The following LRBA variants were observed in gnomAD, a reference collection of about 807,000 sequenced individuals.
LRBA encodes the protein LPS responsive beige-like anchor protein.
LRBA carries 176 observed loss-of-function variants against 330.0 expected under a neutral mutation model. That is an observed-to-expected ratio of 0.53 (90% confidence interval 0.47 to 0.60). The LOEUF (loss-of-function observed/expected upper bound fraction) is 0.60, where lower values mean the gene tolerates loss of function less well. Ranked by LOEUF, LRBA falls within the 20% of genes least tolerant of loss-of-function variation. LRBA has a pLI of 0.00. For missense variants in LRBA, 3,259 were observed against 3,444.8 expected, an observed-to-expected ratio of 0.95 and a Z score of 1.35; for synonymous variants, 1,230 against 1,193.0, an observed-to-expected ratio of 1.03 and a Z score of -0.64.
intron 40 of LRBA, among the ~76,000 whole-genome samples, chr4:150,526,447 TCTTA>T (rs955220282): frequency 3.7e-4 from 56 of 152,292 alleles, no homozygotes; most frequent in African/African-American, 1.3e-3. Context: ...GTAAAAACAG[TCTTA>T]CTTAATGAGA....
At chr4:150,850,682 C>A in intron 24 of LRBA, 42 bp downstream of exon 24, 1 of 1,190,680 alleles carries the variant, frequency 8.4e-7, no homozygotes, top group Non-Finnish European at 1.2e-6. Flanking sequence ...AAAATAAAGA[C>A]TAGGTTTATA....
chr4:150,844,619 G>A (rs557546549), intron 27 of LRBA, 39 bp downstream of exon 27: 18 of 1,545,656 alleles, frequency 1.2e-5, no homozygotes, highest in Middle Eastern at 1.7e-4. Context: ...TGTAAAATAG[G>A]AGTATGCTTT....
At chr4:150,510,420 A>T (rs1761694382) in intron 40 of LRBA, among the ~76,000 whole-genome samples, 1 of 152,314 alleles carries the variant, frequency 6.6e-6, no homozygotes, top group Middle Eastern at 3.4e-3. Flanking sequence ...CAGTATAAGT[A>T]AAAAGGCAGT....
chr4:150,435,464 A>C, intron 46 of LRBA, 125 bp downstream of exon 46: 2 of 807,916 alleles, frequency 2.5e-6, no homozygotes, highest in Non-Finnish European at 3.9e-6. Flanking sequence ...CCATTTAATT[A>C]AGGACTTATC....
At chr4:150,766,899 C>G (rs1735834759) in intron 34 of LRBA, among the ~76,000 whole-genome samples, 1 of 152,136 alleles carries the variant, frequency 6.6e-6, no homozygotes, top group Non-Finnish European at 1.5e-5. Flanking sequence ...TGTTCCTAAG[C>G]TGTATTTAAT....
At chr4:150,968,937 G>GT (rs2149582059) in intron 2 of LRBA, among the ~76,000 whole-genome samples, 1 of 152,240 alleles carries the variant, frequency 6.6e-6, no homozygotes, top group Non-Finnish European at 1.5e-5. Flanking sequence ...TCTGAAAATC[G>GT]TAAGATCCTT....
chr4:150,870,701 TACA>T (rs1317838125), intron 19 of LRBA, 95 bp from the exon 20 acceptor site: 3 of 663,864 alleles, frequency 4.5e-6, no homozygotes, highest in East Asian at 2.6e-5. Flanking sequence ...TAACTTTAAG[TACA>T]ACACTAATCA....
At chr4:150,875,309 T>G (rs1419580303) in intron 17 of LRBA, among the ~76,000 whole-genome samples, 1 of 152,248 alleles carries the variant, frequency 6.6e-6, no homozygotes, top group Non-Finnish European at 1.5e-5. Context: ...TCCAGGAATC[T>G]GGAAAACCCA....
intron 42 of LRBA, among the ~76,000 whole-genome samples, chr4:150,475,566 A>C (rs1756615800): frequency 6.6e-6 from 1 of 151,998 alleles, no homozygotes; most frequent in Non-Finnish European, 1.5e-5. Flanking sequence ...TGTTGGTAGG[A>C]AGTTGTTCAT....
At chr4:150,310,441 T>C (rs760439715) in intron 51 of LRBA, 57 bp from the exon 52 acceptor site, 15 of 1,203,858 alleles carry the variant, frequency 1.2e-5, no homozygotes, top group South Asian at 2.7e-5. Context: ...AGAAATTCTA[T>C]AGTGAGGGAG....
At chr4:150,725,443 G>C (rs1729542604) in intron 36 of LRBA, among the ~76,000 whole-genome samples, 1 of 152,172 alleles carries the variant, frequency 6.6e-6, no homozygotes, top group Non-Finnish European at 1.5e-5. Flanking sequence ...TATTTAAAGT[G>C]CTGAAAGAAA....
intron 39 of LRBA, among the ~76,000 whole-genome samples, chr4:150,589,620 G>A (rs1421169850): frequency 6.6e-6 from 1 of 152,188 alleles, no homozygotes; most frequent in Admixed American, 6.5e-5. Context: ...AGCTAGGGCA[G>A]CCTAGGTCCT....
chr4:150,863,024 T>G (rs1752161071), intron 22 of LRBA, among the ~76,000 whole-genome samples: 1 of 151,902 alleles, frequency 6.6e-6, no homozygotes, highest in Non-Finnish European at 1.5e-5. Context: ...TCTAACCGGG[T>G]GTGTGGCTCA....
At chr4:150,364,935 AT>A (rs1222831131) in intron 47 of LRBA, among the ~76,000 whole-genome samples, 2 of 151,888 alleles carry the variant, frequency 1.3e-5, no homozygotes, top group African/African-American at 2.4e-5. Flanking sequence ...TCATAATAAA[AT>A]ATCATAAAAA....
At chr4:150,966,099 T>C (rs1738849613) in intron 2 of LRBA, among the ~76,000 whole-genome samples, 1 of 152,210 alleles carries the variant, frequency 6.6e-6, no homozygotes, top group South Asian at 2.1e-4. Flanking sequence ...TGATCCATCT[T>C]CATTTTCGTT....
At chr4:150,433,030 T>C (rs532929921) in intron 46 of LRBA, among the ~76,000 whole-genome samples, 1 of 152,218 alleles carries the variant, frequency 6.6e-6, no homozygotes, top group African/African-American at 2.4e-5. Flanking sequence ...GTGATGGAGA[T>C]GGAGAAGGAG....
chr4:150,746,526 T>G (rs1369040671), intron 35 of LRBA, among the ~76,000 whole-genome samples: 5 of 150,186 alleles, frequency 3.3e-5, no homozygotes, highest in Non-Finnish European at 7.4e-5. Context: ...TTTTTTTTTT[T>G]GTGAGACAGA....
chr4:150,825,880 G>A (rs1746188063), intron 30 of LRBA, among the ~76,000 whole-genome samples: 2 of 152,122 alleles, frequency 1.3e-5, no homozygotes, highest in African/African-American at 4.8e-5. Context: ...ATGGTTGCCT[G>A]CCATTTCCAA....
In LRBA at chr4:150,915,694, G is replaced by A. The variant is rs1170974293; in HGVS notation, c.928C>T (p.Arg310Ter). 3.1e-6 allele frequency: 5 copies of A among 1,612,120 alleles called. No individual in the cohort carries two copies. Among genetic ancestry groups the A allele is most frequent in the East Asian group, 2.2e-5 (1 of 44,734 alleles). The part of the protein sequence containing the change: ...YMVTIVHIYN[R>*]WKNSELRCYV... ...CATCGAAGTTCACTATTCTTCCATC[G>A]GTTATAGATGTGTACTATGGTAACC... Residue 310 changes from arginine to a stop codon, truncating the protein, a stop_gained, in exon 8 of 57, where the codon CGA becomes TGA. Coordinates refer to ENST00000651943, the MANE Select transcript of LRBA (RefSeq NM_001364905.1). LOFTEE classifies it high-confidence loss of function.
Sources: gnomAD v4.1 joint callset for allele counts (sites outside exome capture counted in the v4.1 genomes callset) on GRCh38, gnomAD v4.1.1 for gene constraint, MANE v1.5 for transcripts, NCBI Gene and HGNC (gene_info 2026-07-23, HGNC 2026-07-21) for gene names.